THSD7B: variants seen among roughly 807,000 people sequenced by gnomAD.
THSD7B encodes thrombospondin type-1 domain-containing protein 7B.
THSD7B carries 138 observed loss-of-function variants against 213.6 expected under a neutral mutation model. The observed-to-expected ratio is 0.65, with a 90% CI of 0.56 to 0.74. The LOEUF (loss-of-function observed/expected upper bound fraction) is 0.74. THSD7B is among the 30% of genes least tolerant of loss of function. THSD7B has a pLI of 0.00. For missense variants in THSD7B, 1,931 were observed against 1,991.5 expected, an observed-to-expected ratio of 0.97 and a Z score of 0.58; for synonymous variants, 742 against 687.0, an observed-to-expected ratio of 1.08 and a Z score of -1.25.
intron 12 of THSD7B, among the ~76,000 whole-genome samples, chr2:137,342,526 T>G (rs147401133): frequency 2.0e-5 from 3 of 151,852 alleles, no homozygotes; most frequent in African/African-American, 7.2e-5. Flanking sequence ...CTAATTGTTC[T>G]GACAAGGACT....
At chr2:137,322,876 A>G (rs1219664360) in intron 12 of THSD7B, among the ~76,000 whole-genome samples, 1 of 152,212 alleles carries the variant, frequency 6.6e-6, no homozygotes, top group Non-Finnish European at 1.5e-5. Context: ...TTTTAATGGT[A>G]TAGAGGGACA....
chr2:136,839,425 G>A (rs183346088), intron 1 of THSD7B, among the ~76,000 whole-genome samples: 3 of 152,164 alleles, frequency 2.0e-5, no homozygotes, highest in Non-Finnish European at 4.4e-5. Flanking sequence ...GTTCAACATG[G>A]TTAGTTTTGA....
intron 12 of THSD7B, among the ~76,000 whole-genome samples, chr2:137,303,219 C>T (rs1219005905): frequency 6.6e-6 from 1 of 152,138 alleles, no homozygotes; most frequent in Non-Finnish European, 1.5e-5. Flanking sequence ...GACATAATCT[C>T]ACTTTGTTGC....
intron 17 of THSD7B, among the ~76,000 whole-genome samples, chr2:137,581,771 TAAAAAAAAAAAA>T (rs1167680028): frequency 7.9e-6 from 1 of 126,670 alleles, no homozygotes; most frequent in Non-Finnish European, 1.7e-5. Flanking sequence ...AAAAAAAAAA[TAAAAAAAAAAAA>T]AATAATAATA....
chr2:136,804,716 A>G (rs1682253393), intron 1 of THSD7B, among the ~76,000 whole-genome samples: 1 of 152,080 alleles, frequency 6.6e-6, no homozygotes, highest in African/African-American at 2.4e-5. Context: ...CTCCTCAGAT[A>G]TTTGCATTTC....
At chr2:137,322,761 A>G (rs1483759324) in intron 12 of THSD7B, among the ~76,000 whole-genome samples, 3 of 152,218 alleles carry the variant, frequency 2.0e-5, no homozygotes, top group Non-Finnish European at 4.4e-5. Flanking sequence ...GTAGGAATCA[A>G]TATGTGCCGT....
intron 7 of THSD7B, among the ~76,000 whole-genome samples, chr2:137,174,660 G>A (rs867158686): frequency 1.3e-5 from 2 of 152,122 alleles, no homozygotes; most frequent in East Asian, 1.9e-4. Flanking sequence ...CATTATGTTA[G>A]TCAGTGATAT....
chr2:137,147,604 T>C (rs181943363), intron 5 of THSD7B, among the ~76,000 whole-genome samples: 4 of 152,180 alleles, frequency 2.6e-5, no homozygotes, highest in African/African-American at 9.6e-5. Flanking sequence ...GAGGAGAATG[T>C]TATTTTGGAG....
intron 5 of THSD7B, among the ~76,000 whole-genome samples, chr2:137,131,955 G>A (rs9711264): frequency 0.71 from 105,088 of 148,668 alleles, 37,858 homozygotes; most frequent in Non-Finnish European, 0.77. Flanking sequence ...CATTGAATCT[G>A]TAAATTACCT....
chr2:136,815,772 A>G (rs981127662), intron 1 of THSD7B, among the ~76,000 whole-genome samples: 2 of 152,260 alleles, frequency 1.3e-5, no homozygotes, highest in African/African-American at 4.8e-5. Flanking sequence ...GGATATGTCA[A>G]AAACACACAG....
At chr2:136,844,273 T>C (rs1369521766) in intron 1 of THSD7B, among the ~76,000 whole-genome samples, 5 of 152,116 alleles carry the variant, frequency 3.3e-5, no homozygotes, top group African/African-American at 1.2e-4. Context: ...AGGCAACAGC[T>C]GAAAGCTACC....
At chr2:136,972,071 G>C (rs1220808103) in intron 2 of THSD7B, among the ~76,000 whole-genome samples, 2 of 152,116 alleles carry the variant, frequency 1.3e-5, no homozygotes, top group Non-Finnish European at 2.9e-5. Context: ...TACCTTCCCT[G>C]AAGTCTCTAT....
intron 2 of THSD7B, among the ~76,000 whole-genome samples, chr2:136,980,589 C>T (rs1386704207): frequency 6.6e-6 from 1 of 152,162 alleles, no homozygotes; most frequent in Non-Finnish European, 1.5e-5. Context: ...ACCCAGTCTC[C>T]CTGGCACCGA....
chr2:137,356,933 GACACACACACACATACAC>G (rs1172651774), intron 12 of THSD7B, among the ~76,000 whole-genome samples: 4 of 134,958 alleles, frequency 3.0e-5, no homozygotes, highest in South Asian at 2.4e-4. Flanking sequence ...TCTTTTCCAA[GACACACACACACATACAC>G]ACACACACAC....
chr2:137,072,354 A>G (rs1410463378), intron 3 of THSD7B, among the ~76,000 whole-genome samples: 2 of 152,004 alleles, frequency 1.3e-5, no homozygotes, highest in Admixed American at 1.3e-4. Context: ...TAGGTATTTT[A>G]TTCTCTTTGA....
chr2:137,067,807 T>A lies in THSD7B; in HGVS notation c.950+10577T>A, dbSNP rs570019732. Among the ~76,000 whole-genome samples the A allele has an allele frequency of 7.9e-5, 12 of 152,170 alleles. No individual in the cohort carries two copies. In the East Asian group the frequency reaches 1.7e-3, roughly 22 times the overall value. On this transcript the variant is annotated intron_variant, in intron 3 of 27. Coordinates refer to ENST00000409968, the MANE Select transcript of THSD7B (RefSeq NM_001316349.2). Reference sequence around the variant, plus strand: ...ACCAAGAAAAACAGAATTCTCTTGGTGTCTTTCAAAATGCCTACTTTTCCT... The same window carrying A: ...ACCAAGAAAAACAGAATTCTCTTGGAGTCTTTCAAAATGCCTACTTTTCCT...
chr2:137,075,432 T>C (rs1413455432), intron 3 of THSD7B, among the ~76,000 whole-genome samples: 1 of 152,248 alleles, frequency 6.6e-6, no homozygotes, highest in African/African-American at 2.4e-5. Context: ...GGTTTTCAGC[T>C]CCATCAGGTC....
chr2:137,583,451 C>G (rs1681632644), intron 17 of THSD7B, among the ~76,000 whole-genome samples: 1 of 152,124 alleles, frequency 6.6e-6, no homozygotes, highest in African/African-American at 2.4e-5. Flanking sequence ...AGGTTTTCTT[C>G]TAGGGTTTTT....
intron 12 of THSD7B, among the ~76,000 whole-genome samples, chr2:137,304,192 A>G (rs990327830): frequency 1.3e-5 from 2 of 152,084 alleles, no homozygotes; most frequent in African/African-American, 4.8e-5. Flanking sequence ...CTTCATTGTC[A>G]TTAGTTTATT....
Sources: gnomAD v4.1 joint callset for allele counts (sites outside exome capture counted in the v4.1 genomes callset) on GRCh38, gnomAD v4.1.1 for gene constraint, MANE v1.5 for transcripts, NCBI Gene and HGNC (gene_info 2026-07-23, HGNC 2026-07-21) for gene names.